The following SNX29 variants were observed in gnomAD, a reference collection of about 807,000 sequenced individuals.
The protein encoded by SNX29 is sorting nexin-29.
Under a neutral mutation model 102.1 loss-of-function variants are expected in SNX29, and 78 were observed. The observed-to-expected ratio is 0.76, with a 90% confidence interval of 0.64 to 0.92. The LOEUF is 0.92. Ranked by LOEUF, SNX29 falls within the 40% of genes least tolerant of loss-of-function variation. The pLI, the probability that SNX29 is intolerant of heterozygous loss-of-function variation, is 0.00. For synonymous variants in SNX29, 580 were observed against 414.5 expected (o/e 1.40, Z -4.85); for missense variants, 1,280 against 1,061.7 (o/e 1.21, Z -2.86).
chr16:12,563,707 A>T lies in SNX29; in HGVS notation c.2319-4799A>T, dbSNP rs75399027. Among the ~76,000 whole-genome samples the T allele has an allele frequency of 7.0e-4, 107 of 152,326 alleles. 4 individuals are homozygous for T. Among genetic ancestry groups the T allele is most frequent in the East Asian group, 6.9e-3 (36 of 5,182 alleles). ...GGGTCTGGCCTCATGTAAGAGGAAC[A>T]TGAGGAAAGCCAGAGATGGCACTGT... is the stretch of plus-strand genomic sequence containing the variant. On this transcript the variant is annotated intron_variant, in intron 20 of 20. Transcript: ENST00000566228.
At chr16:12,409,666 C>G (rs904618368) in intron 18 of SNX29, among the ~76,000 whole-genome samples, 1 of 152,008 alleles carries the variant, frequency 6.6e-6, no homozygotes, top group East Asian at 1.9e-4. Context: ...GATTCACTGT[C>G]TTAATATCCC....
intron 20 of SNX29, among the ~76,000 whole-genome samples, chr16:12,562,148 C>T (rs938185836): frequency 7.9e-5 from 12 of 152,144 alleles, no homozygotes; most frequent in Non-Finnish European, 1.0e-4. Context: ...CTGGCAATAC[C>T]AGGTCTGTGG....
intron 11 of SNX29, among the ~76,000 whole-genome samples, chr16:12,080,155 G>A (rs964304280): frequency 2.6e-5 from 4 of 152,152 alleles, no homozygotes; most frequent in East Asian, 1.9e-4. Flanking sequence ...TATACCACTC[G>A]TGTCTTGGGC....
intron 14 of SNX29, among the ~76,000 whole-genome samples, chr16:12,238,753 C>T (rs757646690): frequency 2.0e-5 from 3 of 152,206 alleles, no homozygotes; most frequent in Admixed American, 6.5e-5. Context: ...AGATATGGCC[C>T]TGGTGGCTTA....
rs2057506675 is a variant in SNX29, at chr16:12,037,414, G to A, written c.248-5483G>A. ...TGGTCCAGGGCTGAGACTGGGGTGA[G>A]GTTAGTGAGACACTCACTTTGGCCA... On this transcript the variant is annotated intron_variant, in intron 4 of 20. Transcript: ENST00000566228. Among the ~76,000 whole-genome samples the A allele has an allele frequency of 2.6e-5, 4 of 152,152 alleles. No individual in the cohort carries two copies. In the South Asian group the frequency reaches 6.2e-4, roughly 24 times the overall value.
intron 14 of SNX29, among the ~76,000 whole-genome samples, chr16:12,206,447 C>G (rs924347569): frequency 6.7e-6 from 1 of 149,358 alleles, no homozygotes; most frequent in Non-Finnish European, 1.5e-5. Flanking sequence ...TGTTGTAAAT[C>G]CTCCTTCTAT....
intron 18 of SNX29, among the ~76,000 whole-genome samples, chr16:12,460,666 T>C (rs954727109): frequency 1.3e-5 from 2 of 151,512 alleles, no homozygotes; most frequent in Non-Finnish European, 2.9e-5. Flanking sequence ...TCTTTTTTTT[T>C]TTTTTTTTTG....
At chr16:12,435,219 C>T (rs965590388) in intron 18 of SNX29, among the ~76,000 whole-genome samples, 6 of 152,182 alleles carry the variant, frequency 3.9e-5, no homozygotes, top group African/African-American at 1.4e-4. Flanking sequence ...CCTCCCATCC[C>T]AAGAAATCAG....
At chr16:12,293,414 C>G (rs187171714) in intron 15 of SNX29, among the ~76,000 whole-genome samples, 2 of 152,320 alleles carry the variant, frequency 1.3e-5, no homozygotes, top group Admixed American at 6.5e-5. Flanking sequence ...ATCCTGCTTT[C>G]CTGCTGTTCA....
chr16:12,539,345 A>G (rs1461213745), intron 20 of SNX29, among the ~76,000 whole-genome samples: 2 of 152,022 alleles, frequency 1.3e-5, no homozygotes, highest in African/African-American at 4.8e-5. Context: ...TGTCACATAA[A>G]TGGAATCATA....
chr16:12,555,179 C>T (rs1028179864), intron 20 of SNX29, among the ~76,000 whole-genome samples: 9 of 151,838 alleles, frequency 5.9e-5, no homozygotes, highest in Non-Finnish European at 8.8e-5. Flanking sequence ...AGTGGGGTTA[C>T]TCAGGTGTGG....
At chr16:12,326,477 G>A (rs530441521) in intron 15 of SNX29, among the ~76,000 whole-genome samples, 27 of 152,158 alleles carry the variant, frequency 1.8e-4, no homozygotes, top group South Asian at 1.5e-3. Context: ...AAACATGTCC[G>A]GTGTGATGGC....
At chr16:12,380,160 C>G (rs1203766837) in intron 16 of SNX29, among the ~76,000 whole-genome samples, 1 of 141,442 alleles carries the variant, frequency 7.1e-6, no homozygotes, top group Non-Finnish European at 1.5e-5. Context: ...CTTAGCTGAC[C>G]TAAGGGCTGA....
intron 15 of SNX29, among the ~76,000 whole-genome samples, chr16:12,349,345 T>G (rs1204867694): frequency 6.6e-6 from 1 of 152,254 alleles, no homozygotes; most frequent in Non-Finnish European, 1.5e-5. Flanking sequence ...GAGGATTTCC[T>G]GTGACTCTGT....
intron 18 of SNX29, among the ~76,000 whole-genome samples, chr16:12,411,567 C>T (rs1309471404): frequency 1.3e-5 from 2 of 152,168 alleles, no homozygotes; most frequent in Non-Finnish European, 2.9e-5. Context: ...TAAAATTTCC[C>T]TTCCAGTATA....
chr16:12,546,031 C>G (rs2077584877), intron 20 of SNX29, among the ~76,000 whole-genome samples: 1 of 152,204 alleles, frequency 6.6e-6, no homozygotes, highest in East Asian at 1.9e-4. Flanking sequence ...AAAACCCACA[C>G]CCTTGAGTAC....
intron 15 of SNX29, among the ~76,000 whole-genome samples, chr16:12,317,797 A>T (rs2080798521): frequency 1.3e-5 from 2 of 152,242 alleles, no homozygotes; most frequent in Admixed American, 1.3e-4. Flanking sequence ...AACCTCTCCA[A>T]GCCTCAGTCT....
At chr16:12,084,342 C>T (rs565721932) in intron 11 of SNX29, among the ~76,000 whole-genome samples, 7 of 152,292 alleles carry the variant, frequency 4.6e-5, no homozygotes, top group African/African-American at 1.4e-4. Flanking sequence ...GGCAGGGTTT[C>T]ACCATGTTGG....
chr16:12,221,731 A>G (rs932230962), intron 14 of SNX29, among the ~76,000 whole-genome samples: 5 of 152,322 alleles, frequency 3.3e-5, no homozygotes, highest in Middle Eastern at 3.4e-3. Context: ...AGGACTGAAC[A>G]TCCGTCGCAT....
Sources: allele counts gnomAD v4.1 joint callset (sites outside exome capture counted in the v4.1 genomes callset), GRCh38; gene constraint gnomAD v4.1.1; transcripts MANE v1.5; gene names NCBI Gene and HGNC (gene_info 2026-07-23, HGNC 2026-07-21).